The following JADE3 variants were observed in gnomAD, a reference collection of about 807,000 sequenced individuals.
JADE3 encodes protein Jade-3.
A neutral mutation model predicts 50.1 loss-of-function variants in JADE3; 2 were observed. The ratio of observed to expected loss-of-function variants is 0.04; its 90% CI spans 0.02 to 0.13. The LOEUF (loss-of-function observed/expected upper bound fraction) is 0.13, where lower values mean the gene tolerates loss of function less well. Among genes scored for constraint, JADE3 ranks in the 10% least tolerant of loss-of-function variants. The pLI, the probability that JADE3 is intolerant of heterozygous loss-of-function variation, is 1.00. For synonymous variants in JADE3, 218 were observed against 232.9 expected (o/e 0.94, Z 0.58); for missense variants, 475 against 634.4 (o/e 0.75, Z 2.70).
chrX:46,935,810 A>G (rs1368514002), intron 1 of JADE3, among the ~76,000 whole-genome samples: 1 of 100,719 alleles, frequency 9.9e-6, no homozygotes, highest in Non-Finnish European at 2.0e-5. Context: ...TTCTTGTTTC[A>G]ACTTTAAGTC....
At chrX:46,926,558 T>C (rs1926372986) in intron 1 of JADE3, among the ~76,000 whole-genome samples, 1 of 112,162 alleles carries the variant, frequency 8.9e-6, no homozygotes, top group Non-Finnish European at 1.9e-5. Flanking sequence ...GTTCTGTGGA[T>C]TTTTAACACA....
intron 3 of JADE3, among the ~76,000 whole-genome samples, chrX:46,988,743 C>T (rs1602397247): frequency 8.9e-6 from 1 of 112,617 alleles, no homozygotes; most frequent in African/African-American, 3.2e-5. Flanking sequence ...ACAGGTGAGT[C>T]TGAAGGCAGC....
chrX:46,934,597 C>CT (rs1321549567), intron 1 of JADE3, among the ~76,000 whole-genome samples: 15 of 108,707 alleles, frequency 1.4e-4, no homozygotes, highest in Admixed American at 7.9e-4. Context: ...CGCGCCCGGC[C>CT]TTTTTTTTTG....
chrX:47,038,871 T>A (rs1354786818), intron 7 of JADE3, 78 bp from the exon 8 acceptor site: 1 of 529,549 alleles, frequency 1.9e-6, no homozygotes, highest in Non-Finnish European at 3.3e-6. Context: ...TAGCTTTATG[T>A]AACATCGTTT....
At chrX:46,975,521 A>G (rs1263721075) in intron 1 of JADE3, among the ~76,000 whole-genome samples, 1 of 110,374 alleles carries the variant, frequency 9.1e-6, no homozygotes, top group Non-Finnish European at 1.9e-5. Context: ...ACATTTTAAA[A>G]CATCTTAGCA....
At chrX:46,985,116 G>A (rs1556354202) in intron 2 of JADE3, among the ~76,000 whole-genome samples, 176 bp downstream of exon 2, 1 of 111,830 alleles carries the variant, frequency 8.9e-6, no homozygotes, top group African/African-American at 3.3e-5. Flanking sequence ...AGATAAATTA[G>A]AAGAATTGAT....
intron 1 of JADE3, among the ~76,000 whole-genome samples, chrX:46,929,365 A>G (rs1238528519): frequency 8.9e-6 from 1 of 112,087 alleles, no homozygotes; most frequent in Non-Finnish European, 1.9e-5. Context: ...ATTAACATGC[A>G]AGAAGGAGCT....
At chrX:46,988,653 A>G (rs1447096090) in intron 3 of JADE3, among the ~76,000 whole-genome samples, 1 of 111,186 alleles carries the variant, frequency 9.0e-6, no homozygotes, top group Non-Finnish European at 1.9e-5. Flanking sequence ...CAGCAAGGAG[A>G]ATATGGTAGG....
chrX:46,988,943 G>A lies in JADE3; in HGVS notation c.126+3151G>A, dbSNP rs550639712. Among the ~76,000 whole-genome samples, 9 of 112,402 alleles carry A rather than the reference G, an allele frequency of 8.0e-5. No homozygotes were observed. In the South Asian group the frequency reaches 3.3e-3, roughly 42 times the overall value. ...CAACCTCCGCCTCCCAGGTTCAAGC[G>A]ATTTTCCTGCCTCAGCCTCCCAAGT... On this transcript the variant is annotated intron_variant, in intron 3 of 10. Coordinates refer to ENST00000614628, the MANE Select transcript of JADE3 (RefSeq NM_014735.5).
intron 6 of JADE3, among the ~76,000 whole-genome samples, chrX:47,029,420 G>T (rs938571358): frequency 3.6e-5 from 4 of 111,699 alleles, no homozygotes; most frequent in Non-Finnish European, 7.5e-5. Context: ...AGTAGGGAAG[G>T]CATGGAAAGT....
At chrX:47,005,548 A>G (rs1457800539) in intron 4 of JADE3, among the ~76,000 whole-genome samples, 1 of 112,114 alleles carries the variant, frequency 8.9e-6, no homozygotes, top group Non-Finnish European at 1.9e-5. Context: ...GCCAACATGG[A>G]AAACTTTTAG....
rs1470534191 is a variant in JADE3, at chrX:47,032,959, T to TAATCTCC, written c.688-660_688-654dup. Among the ~76,000 whole-genome samples the TAATCTCC allele has an allele frequency of 2.7e-5, 3 of 111,853 alleles. No homozygotes were observed. The East Asian group carries it at 8.4e-4, about 31-fold the overall frequency. On this transcript the variant is annotated intron_variant, in intron 6 of 10. Coordinates refer to ENST00000614628, the MANE Select transcript of JADE3 (RefSeq NM_014735.5). ...AGGGAGTCTAGAATGTTTCCCAAAC[T>TAATCTCC]AATCTCCAGTTTCTCACAGTAATTA...
At chrX:47,023,683 G>A (rs7055086) in intron 4 of JADE3, among the ~76,000 whole-genome samples, 1,650 of 112,035 alleles carry the variant, frequency 0.015, 22 homozygotes, top group African/African-American at 0.039. Context: ...CAAGGTGGGC[G>A]GATCATGAGG....
intron 3 of JADE3, among the ~76,000 whole-genome samples, chrX:46,989,939 G>T (rs138651080): frequency 4.6e-5 from 5 of 107,995 alleles, no homozygotes; most frequent in Middle Eastern, 4.9e-3. Context: ...CTTGTTCATT[G>T]GTTCCATCTT....
intron 1 of JADE3, among the ~76,000 whole-genome samples, chrX:46,929,445 C>T (rs782552329): frequency 4.5e-5 from 5 of 111,865 alleles, no homozygotes; most frequent in East Asian, 5.6e-4. Context: ...AAGGATAATC[C>T]GTGTAGACAC....
At chrX:46,945,031 A>G (rs1226343742) in intron 1 of JADE3, among the ~76,000 whole-genome samples, 2 of 105,890 alleles carry the variant, frequency 1.9e-5, no homozygotes, top group African/African-American at 6.9e-5. Flanking sequence ...TTTTTTGATA[A>G]TTTTTGTAAA....
At position 47,055,983 on chromosome X, in the gene JADE3, C is replaced by T. The variant is rs1929624992; in HGVS notation, c.1444-99C>T. 4 of 488,060 alleles carry T rather than the reference C, an allele frequency of 8.2e-6. No homozygotes were observed. In the South Asian group the frequency reaches 1.1e-4, roughly 14 times the overall value. The allele number at this position is 488,060 out of a possible 1,213,427, so 40.2% of individuals were successfully genotyped here. A position where few individuals can be genotyped will look rare whatever the true frequency, so the allele number is the denominator to read the frequency against. ...TTGGATTCTGTCTTCTCTCCTCACCCCCACCTGACTTTAGGTCTTTATTTT... is the reference window on the plus strand; with the variant it reads ...TTGGATTCTGTCTTCTCTCCTCACCTCCACCTGACTTTAGGTCTTTATTTT... On this transcript the variant is annotated intron_variant, in intron 9 of 10. Transcript: ENST00000614628.
chrX:47,020,465 A>T (rs781947503), intron 4 of JADE3, among the ~76,000 whole-genome samples: 76 of 112,140 alleles, frequency 6.8e-4, no homozygotes, highest in African/African-American at 2.5e-3. Context: ...AGCTGCATTT[A>T]AAAAATCCCA....
At chrX:46,913,556 T>TTTTTG (rs782160049) in intron 1 of JADE3, among the ~76,000 whole-genome samples, 8 of 111,559 alleles carry the variant, frequency 7.2e-5, no homozygotes, top group South Asian at 3.8e-4. Flanking sequence ...GTAGTTTGTT[T>TTTTTG]TTTTGTTTTG....
Sources: allele counts gnomAD v4.1 joint callset (sites outside exome capture counted in the v4.1 genomes callset), GRCh38; gene constraint gnomAD v4.1.1; transcripts MANE v1.5; gene names NCBI Gene and HGNC (gene_info 2026-07-23, HGNC 2026-07-21).